GLO1: variants seen among roughly 807,000 people sequenced by gnomAD.
The protein encoded by GLO1 is lactoylglutathione lyase.
In GLO1, 28 loss-of-function variants were observed where a neutral mutation model predicts 26.0. That is an observed-to-expected ratio of 1.08 (90% CI 0.80 to 1.48). The LOEUF (loss-of-function observed/expected upper bound fraction) is 1.48, where lower values mean the gene tolerates loss of function less well. Ranked by LOEUF, GLO1 falls within the 40% of genes most tolerant of loss-of-function variation. The pLI, the probability that GLO1 is intolerant of heterozygous loss-of-function variation, is 0.00. For missense variants in GLO1, 225 were observed against 224.8 expected (o/e 1.00, Z -0.01); for synonymous variants, 78 against 77.6 (o/e 1.00, Z -0.03).
chr6:38,683,178 C>A (rs1027723827), intron 3 of GLO1: 8 of 255,840 alleles, frequency 3.1e-5, no homozygotes, highest in Non-Finnish European at 5.2e-5. Context: ...GCTCCATGGG[C>A]TAGGTGTGAA....
At chr6:38,697,128 T>C (rs1170600995) in intron 1 of GLO1, among the ~76,000 whole-genome samples, 1 of 152,154 alleles carries the variant, frequency 6.6e-6, no homozygotes, top group Non-Finnish European at 1.5e-5. Context: ...TTGGTTAGGC[T>C]GGTCTCGAAC....
At chr6:38,696,756 A>G (rs1435298445) in intron 1 of GLO1, among the ~76,000 whole-genome samples, 2 of 152,096 alleles carry the variant, frequency 1.3e-5, no homozygotes, top group African/African-American at 4.8e-5. Flanking sequence ...GAAGTTCCAC[A>G]CTTGCATTAG....
chr6:38,695,358 T>C (rs987146095), intron 1 of GLO1, among the ~76,000 whole-genome samples: 2 of 152,152 alleles, frequency 1.3e-5, no homozygotes, highest in Non-Finnish European at 2.9e-5. Context: ...TACATGTATA[T>C]ATGTATATAC....
chr6:38,694,393 C>A (rs764124407), intron 1 of GLO1, among the ~76,000 whole-genome samples: 1 of 152,030 alleles, frequency 6.6e-6, no homozygotes, highest in East Asian at 1.9e-4. Context: ...GAAAGAGGAG[C>A]GTTGGCTGGG....
chr6:38,696,032 T>C (rs957245338), intron 1 of GLO1, among the ~76,000 whole-genome samples: 1 of 152,216 alleles, frequency 6.6e-6, no homozygotes, highest in African/African-American at 2.4e-5. Context: ...TTGTCTTATA[T>C]ATCATGTCCA....
intron 5 of GLO1, among the ~76,000 whole-genome samples, chr6:38,679,869 T>C (rs565441025): frequency 6.6e-6 from 1 of 151,318 alleles, no homozygotes; most frequent in South Asian, 2.1e-4. Context: ...TTAAGCAAAC[T>C]AAGCGAAAAT....
intron 4 of GLO1, among the ~76,000 whole-genome samples, chr6:38,682,531 A>G (rs1761396970): frequency 6.6e-6 from 1 of 151,762 alleles, no homozygotes; most frequent in African/African-American, 2.4e-5. Context: ...ATTAGTATTA[A>G]CTACAGCTTT....
chr6:38,684,901 T>C (rs1761440035), intron 2 of GLO1, among the ~76,000 whole-genome samples: 1 of 152,188 alleles, frequency 6.6e-6, no homozygotes, highest in Admixed American at 6.5e-5. Flanking sequence ...AAATATGTCA[T>C]TCAGTTAAAT....
At chr6:38,697,611 A>G (rs1761631204) in intron 1 of GLO1, among the ~76,000 whole-genome samples, 1 of 152,172 alleles carries the variant, frequency 6.6e-6, no homozygotes, top group Admixed American at 6.5e-5. Flanking sequence ...CAATTTACCA[A>G]TTGGGTTATT....
chr6:38,689,872 G>A (rs1449807888), intron 1 of GLO1, among the ~76,000 whole-genome samples: 4 of 151,940 alleles, frequency 2.6e-5, no homozygotes, highest in Non-Finnish European at 4.4e-5. Context: ...CTGTTTCCAG[G>A]CTAGAGTGCA....
chr6:38,694,632 C>T (rs551537302), intron 1 of GLO1, among the ~76,000 whole-genome samples: 142 of 151,848 alleles, frequency 9.4e-4, no homozygotes, highest in South Asian at 5.0e-3. Flanking sequence ...TGAGCTGAGA[C>T]GGCACCACTG....
intron 1 of GLO1, among the ~76,000 whole-genome samples, chr6:38,692,973 G>GATATT (rs1761553115): frequency 6.6e-6 from 1 of 151,646 alleles, no homozygotes; most frequent in African/African-American, 2.4e-5. Context: ...ATTCATTGGA[G>GATATT]ATATTGGTCT....
intron 1 of GLO1, among the ~76,000 whole-genome samples, chr6:38,700,782 G>GT (rs1479630488): frequency 2.8e-5 from 3 of 108,426 alleles, no homozygotes; most frequent in Admixed American, 8.6e-5. Flanking sequence ...ATTCATTGAG[G>GT]GTTTTTTTTT....
At position 38,696,213 on chromosome 6, in the gene GLO1, TACA is replaced by T. The variant is rs1417526738; in HGVS notation, c.84+6755_84+6757del. Among the ~76,000 whole-genome samples the T allele has an allele frequency of 2.0e-5, 3 of 152,222 alleles. No homozygotes were observed. The East Asian group carries it at 5.8e-4, about 29-fold the overall frequency. ...GATGAATCAAAACTGGTCAAAAAGC[TACA>T]ACAATGATAAAAACGTTGTTTGACT... On this transcript the variant is annotated intron_variant, in intron 1 of 5. Coordinates refer to ENST00000373365, the MANE Select transcript of GLO1 (RefSeq NM_006708.3).
intron 1 of GLO1, among the ~76,000 whole-genome samples, chr6:38,689,718 G>A (rs1296494816): frequency 2.6e-5 from 4 of 152,126 alleles, no homozygotes; most frequent in Admixed American, 2.0e-4. Flanking sequence ...GGGCTGAGAC[G>A]GGCGGATCAC....
At chr6:38,678,899 T>C (rs904669372) in intron 5 of GLO1, among the ~76,000 whole-genome samples, 1 of 152,212 alleles carries the variant, frequency 6.6e-6, no homozygotes, top group Admixed American at 6.5e-5. Context: ...GGCCTAGGCT[T>C]ATCCAGCCCA....
In GLO1 at chr6:38,682,111, T is replaced by C. The variant is rs2127546093; in HGVS notation, c.377-10A>G. Reference sequence around the variant, plus strand: ...GCAATTCCAATATGACCTTACGTGATACCCCCCGAAAAAAGCAGAGAGAAG... The same window carrying C: ...GCAATTCCAATATGACCTTACGTGACACCCCCCGAAAAAAGCAGAGAGAAG... On this transcript the variant is annotated splice_polypyrimidine_tract_variant and intron_variant, in intron 4 of 5. Coordinates refer to ENST00000373365, the MANE Select transcript of GLO1 (RefSeq NM_006708.3). 1 of 1,440,234 alleles carries C rather than the reference T, an allele frequency of 6.9e-7. No homozygotes were observed. The highest frequency in any genetic ancestry group is 9.8e-7 in the Non-Finnish European group (1 of 1,021,674). The allele number at this position is 1,440,234 out of a possible 1,614,324, so 89.2% of individuals were successfully genotyped here.
At chr6:38,677,647 C>T (rs1435763631) in intron 5 of GLO1, among the ~76,000 whole-genome samples, 1 of 152,098 alleles carries the variant, frequency 6.6e-6, no homozygotes, top group Non-Finnish European at 1.5e-5. Context: ...AACTCCTGGC[C>T]TCAAGCAATC....
chr6:38,684,125 G>C (rs1411556355), intron 3 of GLO1, among the ~76,000 whole-genome samples: 1 of 152,086 alleles, frequency 6.6e-6, no homozygotes, highest in Non-Finnish European at 1.5e-5. Flanking sequence ...TCAGGAGGCT[G>C]AGGCAGGAAG....
Sources: allele counts gnomAD v4.1 joint callset (sites outside exome capture counted in the v4.1 genomes callset), GRCh38; gene constraint gnomAD v4.1.1; transcripts MANE v1.5; gene names NCBI Gene and HGNC (gene_info 2026-07-23, HGNC 2026-07-21).